IMMP2L: variants seen among roughly 807,000 people sequenced by gnomAD.
The protein encoded by IMMP2L is mitochondrial inner membrane protease subunit 2.
In IMMP2L, 18 loss-of-function variants were observed where a neutral mutation model predicts 19.3. The ratio of observed to expected loss-of-function variants is 0.93; its 90% CI spans 0.64 to 1.38. The LOEUF is 1.38. IMMP2L is among the 40% of genes most tolerant of loss of function. The pLI, the probability that IMMP2L is intolerant of heterozygous loss-of-function variation, is 0.00. For synonymous variants in IMMP2L, 76 were observed against 73.0 expected (o/e 1.04, Z -0.21); for missense variants, 233 against 218.2 (o/e 1.07, Z -0.43).
In IMMP2L at chr7:111,548,083, T is replaced by C. The variant is rs76830871; in HGVS notation, c.-3+13768A>G. On this transcript the variant is annotated intron_variant, in intron 1 of 5. Coordinates refer to ENST00000405709, the MANE Select transcript of IMMP2L (RefSeq NM_032549.4). Reference sequence around the variant, plus strand: ...AAGAATTCATGAGATGTTATGACCATTGAATTTCCCCACGTTTAGCCTGGG... The same window carrying C: ...AAGAATTCATGAGATGTTATGACCACTGAATTTCCCCACGTTTAGCCTGGG... Among the ~76,000 whole-genome samples, 8 of 152,002 alleles carry C rather than the reference T, an allele frequency of 5.3e-5. No homozygotes were observed. The East Asian group carries it at 5.8e-4, about 11-fold the overall frequency.
intron 5 of IMMP2L, among the ~76,000 whole-genome samples, chr7:110,761,193 T>C (rs976833815): frequency 3.3e-5 from 5 of 152,122 alleles, no homozygotes; most frequent in Admixed American, 3.3e-4. Context: ...TCTCAGTCTG[T>C]AGAATATGAG....
At chr7:110,797,194 TA>T (rs797000751) in intron 5 of IMMP2L, among the ~76,000 whole-genome samples, 65 of 147,866 alleles carry the variant, frequency 4.4e-4, no homozygotes, top group African/African-American at 8.7e-4. Flanking sequence ...TCTCAGAAAA[TA>T]AAAAAAAAAT....
At chr7:110,765,509 C>G (rs916584406) in intron 5 of IMMP2L, among the ~76,000 whole-genome samples, 2 of 151,640 alleles carry the variant, frequency 1.3e-5, no homozygotes, top group African/African-American at 4.8e-5. Context: ...TTTTTTTCTT[C>G]GATATGACAT....
At chr7:111,167,878 C>A (rs1027288920) in intron 3 of IMMP2L, among the ~76,000 whole-genome samples, 1 of 151,928 alleles carries the variant, frequency 6.6e-6, no homozygotes, top group Non-Finnish European at 1.5e-5. Flanking sequence ...AATATGAATT[C>A]TTTCATGAAC....
chr7:111,504,927 C>T (rs1258737308), intron 2 of IMMP2L, among the ~76,000 whole-genome samples: 1 of 151,930 alleles, frequency 6.6e-6, no homozygotes, highest in Non-Finnish European at 1.5e-5. Flanking sequence ...GACTTCATGT[C>T]TAAAACACCA....
At chr7:110,926,574 A>G (rs1814880644) in intron 4 of IMMP2L, among the ~76,000 whole-genome samples, 1 of 152,070 alleles carries the variant, frequency 6.6e-6, no homozygotes, top group Non-Finnish European at 1.5e-5. Flanking sequence ...ATATTCATGG[A>G]ACATCAATTA....
chr7:111,166,405 ACT>A (rs1198664086), intron 3 of IMMP2L, among the ~76,000 whole-genome samples: 2 of 151,992 alleles, frequency 1.3e-5, no homozygotes, highest in South Asian at 2.1e-4. Context: ...ATTATATTAT[ACT>A]CTCTCCTATC....
chr7:110,861,631 G>A (rs1276036334), intron 5 of IMMP2L, among the ~76,000 whole-genome samples: 1 of 151,036 alleles, frequency 6.6e-6, no homozygotes, highest in East Asian at 1.9e-4. Flanking sequence ...TTGGAGAGGG[G>A]TCTTACCTCC....
chr7:111,280,331 T>A (rs1334100796), intron 3 of IMMP2L, among the ~76,000 whole-genome samples: 7 of 152,128 alleles, frequency 4.6e-5, no homozygotes, highest in Admixed American at 4.6e-4. Context: ...AGGTCTCAGC[T>A]CACATAACAT....
intron 3 of IMMP2L, among the ~76,000 whole-genome samples, chr7:110,977,699 TTCTC>T (rs1048833510): frequency 3.3e-5 from 5 of 151,264 alleles, no homozygotes; most frequent in South Asian, 2.1e-4. Context: ...TTTTCTTCCT[TTCTC>T]TCTCTCTCTC....
chr7:111,403,473 A>G (rs1323689329), intron 3 of IMMP2L, among the ~76,000 whole-genome samples: 2 of 151,316 alleles, frequency 1.3e-5, no homozygotes, highest in Non-Finnish European at 2.9e-5. Context: ...ATATTTTTAA[A>G]CAGGGTCTCA....
chr7:110,890,407 T>G (rs1810675477), intron 4 of IMMP2L, among the ~76,000 whole-genome samples: 1 of 152,198 alleles, frequency 6.6e-6, no homozygotes, highest in African/African-American at 2.4e-5. Context: ...CCTGGTAAAA[T>G]TCACGCTATA....
intron 1 of IMMP2L, among the ~76,000 whole-genome samples, chr7:111,545,733 C>T (rs780028991): frequency 2.6e-5 from 4 of 152,138 alleles, no homozygotes; most frequent in Non-Finnish European, 5.9e-5. Flanking sequence ...CCTAATTTCT[C>T]AGAGTTGGCT....
intron 1 of IMMP2L, among the ~76,000 whole-genome samples, chr7:111,556,035 T>TATATATACACAC (rs1554550178): frequency 7.4e-6 from 1 of 135,700 alleles, no homozygotes; most frequent in African/African-American, 2.8e-5. Flanking sequence ...TATATATATA[T>TATATATACACAC]ACATACCCAA....
At chr7:111,525,072 G>A (rs548048513) in intron 1 of IMMP2L, among the ~76,000 whole-genome samples, 23 of 152,154 alleles carry the variant, frequency 1.5e-4, no homozygotes, top group Non-Finnish European at 3.2e-4. Flanking sequence ...AGTGATAAGG[G>A]TCAATCTGAA....
chr7:111,081,938 G>A (rs1795920322), intron 3 of IMMP2L, among the ~76,000 whole-genome samples: 1 of 152,232 alleles, frequency 6.6e-6, no homozygotes, highest in African/African-American at 2.4e-5. Context: ...GATATTTTAA[G>A]TAGGAGCTGC....
At chr7:111,515,875 A>G (rs1220031113) in intron 2 of IMMP2L, among the ~76,000 whole-genome samples, 3 of 152,188 alleles carry the variant, frequency 2.0e-5, no homozygotes, top group Non-Finnish European at 2.9e-5. Flanking sequence ...CCAAAATTAA[A>G]TAACTTACTA....
In IMMP2L at chr7:111,123,731, C is replaced by G; in HGVS notation, c.240-160166G>C. ...AGAAAAATAGAAGCTACTAACAACC[C>G]TAGATTGTCTTACATTCACCCCAAT... On this transcript the variant is annotated intron_variant, in intron 3 of 5. Transcript: ENST00000405709. The surrounding 1 kb of genome is among the most constrained non-coding windows in gnomAD (Gnocchi z 6.4). 6.2e-7 allele frequency: 1 copy of G among 1,613,844 alleles called. No homozygotes were observed. Among genetic ancestry groups the G allele is most frequent in the Non-Finnish European group, 8.5e-7 (1 of 1,179,912 alleles).
At chr7:110,759,150 A>C (rs1452638695) in intron 5 of IMMP2L, among the ~76,000 whole-genome samples, 1 of 152,102 alleles carries the variant, frequency 6.6e-6, no homozygotes, top group East Asian at 1.9e-4. Flanking sequence ...TCATCCTTGG[A>C]GACACAGCTC....
Sources: gnomAD v4.1 joint callset for allele counts (sites outside exome capture counted in the v4.1 genomes callset) on GRCh38, gnomAD v4.1.1 for gene constraint, Gnocchi (gnomAD v3.1) non-coding constraint, MANE v1.5 for transcripts, NCBI Gene and HGNC (gene_info 2026-07-23, HGNC 2026-07-21) for gene names.